The following PTPRD variants were observed in gnomAD, a reference collection of about 807,000 sequenced individuals.
PTPRD encodes protein tyrosine phosphatase receptor type D, also known as receptor-type tyrosine-protein phosphatase delta.
PTPRD carries 34 observed loss-of-function variants against 214.5 expected under a neutral mutation model. The ratio of observed to expected loss-of-function variants is 0.16; its 90% CI spans 0.12 to 0.21. The LOEUF (loss-of-function observed/expected upper bound fraction) is 0.21. Among genes scored for constraint, PTPRD ranks in the 10% least tolerant of loss-of-function variants. The pLI, the probability that PTPRD is intolerant of heterozygous loss-of-function variation, is 1.00. For synonymous variants in PTPRD, 1,128 were observed against 845.7 expected (o/e 1.33, Z -5.79); for missense variants, 2,545 against 2,398.7 (o/e 1.06, Z -1.27).
intron 7 of PTPRD, among the ~76,000 whole-genome samples, chr9:9,603,726 G>A (rs988579148): frequency 2.4e-4 from 36 of 152,156 alleles, no homozygotes; most frequent in African/African-American, 8.7e-4. Context: ...CCCACCATGT[G>A]TGGAAAAGTT....
chr9:9,210,634 G>T (rs2099947911), intron 9 of PTPRD, among the ~76,000 whole-genome samples: 1 of 151,974 alleles, frequency 6.6e-6, no homozygotes, highest in South Asian at 2.1e-4. Context: ...TTATTTTAAT[G>T]GACTTGGATT....
intron 7 of PTPRD, among the ~76,000 whole-genome samples, chr9:9,653,347 T>TA (rs1347087141): frequency 7.3e-5 from 1 of 13,760 alleles, no homozygotes; most frequent in East Asian, 5.1e-3. Context: ...AGACTCCGTC[T>TA]CAAAAAAAAA....
At chr9:10,263,392 A>C in intron 3 of PTPRD, among the ~76,000 whole-genome samples, 1 of 152,076 alleles carries the variant, frequency 6.6e-6, no homozygotes, top group Admixed American at 6.5e-5. Flanking sequence ...TTTCCTAGAG[A>C]CTTGTTGGAT....
intron 12 of PTPRD, among the ~76,000 whole-genome samples, chr9:8,674,455 T>TC (rs1265522990): frequency 8.3e-5 from 2 of 24,028 alleles, no homozygotes; most frequent in Non-Finnish European, 1.3e-4. Flanking sequence ...AGACGCTGTC[T>TC]CAAAAAAAAA....
chr9:9,211,821 T>G (rs2099948955), intron 9 of PTPRD, among the ~76,000 whole-genome samples: 1 of 152,150 alleles, frequency 6.6e-6, no homozygotes, highest in African/African-American at 2.4e-5. Flanking sequence ...TTTTTTCATT[T>G]TGAAATTAAA....
At chr9:10,310,731 C>T (rs1346195952) in intron 3 of PTPRD, among the ~76,000 whole-genome samples, 1 of 152,082 alleles carries the variant, frequency 6.6e-6, no homozygotes, top group Non-Finnish European at 1.5e-5. Context: ...TATATGTATG[C>T]ATTCCTGAAT....
At chr9:10,136,403 A>C in intron 3 of PTPRD, among the ~76,000 whole-genome samples, 1 of 152,100 alleles carries the variant, frequency 6.6e-6, no homozygotes, top group African/African-American at 2.4e-5. Context: ...TTTACAGAAT[A>C]CTCAACCTAA....
intron 8 of PTPRD, among the ~76,000 whole-genome samples, chr9:9,462,761 A>G (rs1486644731): frequency 2.0e-5 from 3 of 152,108 alleles, no homozygotes; most frequent in Non-Finnish European, 4.4e-5. Flanking sequence ...CACACTTCGG[A>G]GTATAGCAGG....
At chr9:10,028,926 G>C (rs1465202783) in intron 4 of PTPRD, among the ~76,000 whole-genome samples, 2 of 152,148 alleles carry the variant, frequency 1.3e-5, no homozygotes, top group African/African-American at 4.8e-5. Flanking sequence ...AGCAACTCCT[G>C]CCATCACAGG....
At chr9:9,006,459 A>G (rs1270158791) in intron 11 of PTPRD, among the ~76,000 whole-genome samples, 4 of 152,190 alleles carry the variant, frequency 2.6e-5, no homozygotes, top group Admixed American at 6.6e-5. Flanking sequence ...AATTTTAAAG[A>G]CTAACGTTAT....
chr9:9,028,001 G>C (rs1418579993), intron 10 of PTPRD, among the ~76,000 whole-genome samples: 1 of 151,818 alleles, frequency 6.6e-6, no homozygotes, highest in East Asian at 1.9e-4. Flanking sequence ...AATTCTCTGA[G>C]TGAAATCTCA....
At chr9:8,574,226 C>G (rs1381387174) in intron 14 of PTPRD, among the ~76,000 whole-genome samples, 3 of 151,890 alleles carry the variant, frequency 2.0e-5, no homozygotes, top group African/African-American at 7.2e-5. Context: ...CTTAAAATTA[C>G]CAAAATCATG....
At position 9,517,161 on chromosome 9, in the gene PTPRD, T is replaced by C. The variant is rs1180141620; in HGVS notation, c.-237+57571A>G. On this transcript the variant is annotated intron_variant, in intron 8 of 45. Transcript: ENST00000381196. ...CATTTAAACATTCATTTATTTATTC[T>C]CATAACTTGTGAGGCACTGTGCCAG... Among the ~76,000 whole-genome samples the C allele has an allele frequency of 2.4e-4, 36 of 152,112 alleles. No individual in the cohort carries two copies. The Admixed American group carries it at 2.4e-3, about 10-fold the overall frequency.
chr9:8,675,107 G>A (rs762104974), intron 12 of PTPRD, among the ~76,000 whole-genome samples: 3 of 151,834 alleles, frequency 2.0e-5, no homozygotes, highest in Admixed American at 6.6e-5. Flanking sequence ...AGTGGATGTC[G>A]CATACACTTG....
chr9:8,775,161 A>C (rs987192394), intron 11 of PTPRD, among the ~76,000 whole-genome samples: 6 of 152,208 alleles, frequency 3.9e-5, no homozygotes, highest in African/African-American at 1.4e-4. Context: ...ATACATCATT[A>C]AAAAATGTCT....
intron 2 of PTPRD, among the ~76,000 whole-genome samples, chr9:10,491,567 A>C (rs2040250439): frequency 6.6e-6 from 1 of 152,116 alleles, no homozygotes; most frequent in East Asian, 1.9e-4. Flanking sequence ...AAAATTATAA[A>C]GGGCCAAATG....
At chr9:9,135,632 AG>A (rs1203976430) in intron 10 of PTPRD, among the ~76,000 whole-genome samples, 1 of 152,216 alleles carries the variant, frequency 6.6e-6, no homozygotes, top group Non-Finnish European at 1.5e-5. Context: ...CTAATTACTA[AG>A]GAAATGCTTA....
At chr9:10,002,151 A>C (rs929206139) in intron 4 of PTPRD, among the ~76,000 whole-genome samples, 11 of 151,390 alleles carry the variant, frequency 7.3e-5, no homozygotes, top group African/African-American at 2.7e-4. Flanking sequence ...ACAATAACTA[A>C]GAAAATAAGA....
chr9:8,730,481 C>A (rs1415524651), intron 12 of PTPRD, among the ~76,000 whole-genome samples: 2 of 152,130 alleles, frequency 1.3e-5, no homozygotes, highest in African/African-American at 2.4e-5. Context: ...GGTAAACATT[C>A]AGGTTTAATT....
Sources: allele counts gnomAD v4.1 joint callset (sites outside exome capture counted in the v4.1 genomes callset), GRCh38; gene constraint gnomAD v4.1.1; transcripts MANE v1.5; gene names NCBI Gene and HGNC (gene_info 2026-07-23, HGNC 2026-07-21).